Variants in GNG12 observed in about 807,000 individuals in gnomAD.
GNG12 encodes guanine nucleotide-binding protein G(I)/G(S)/G(O) subunit gamma-12.
For synonymous variants in GNG12, 28 were observed against 29.7 expected (o/e 0.94, Z 0.19); for missense variants, 69 against 83.8 (o/e 0.82, Z 0.69).
chr1:67,750,264 G>A (rs181579113), intron 2 of GNG12, among the ~76,000 whole-genome samples: 61 of 152,292 alleles, frequency 4.0e-4, no homozygotes, highest in African/African-American at 1.4e-3. Flanking sequence ...AGTCTTTGGT[G>A]TGCCTCTGGG....
intron 1 of GNG12, among the ~76,000 whole-genome samples, chr1:67,808,212 C>T (rs1054526653): frequency 6.6e-6 from 1 of 152,026 alleles, no homozygotes; most frequent in East Asian, 1.9e-4. Context: ...GTCACATGAT[C>T]GTATCAACAG....
chr1:67,833,005 C>T (rs1056086831), intron 1 of GNG12, among the ~76,000 whole-genome samples: 50 of 152,240 alleles, frequency 3.3e-4, no homozygotes, highest in Non-Finnish European at 2.4e-4. Flanking sequence ...CTTCCACCCC[C>T]AGCCCTAGCC....
intron 2 of GNG12, among the ~76,000 whole-genome samples, chr1:67,775,790 A>G (rs913117257): frequency 6.6e-6 from 1 of 152,226 alleles, no homozygotes; most frequent in Non-Finnish European, 1.5e-5. Context: ...AAGATCACAG[A>G]TGGCAGGAAT....
At chr1:67,814,577 T>C (rs1049831340) in intron 1 of GNG12, among the ~76,000 whole-genome samples, 1 of 152,214 alleles carries the variant, frequency 6.6e-6, no homozygotes, top group African/African-American at 2.4e-5. Flanking sequence ...ATAAACATGG[T>C]ACCTGCCAGG....
intron 2 of GNG12, among the ~76,000 whole-genome samples, chr1:67,752,265 C>T (rs926005408): frequency 3.9e-5 from 6 of 152,140 alleles, no homozygotes; most frequent in Admixed American, 2.6e-4. Flanking sequence ...CTTTCCTTGG[C>T]GTTTCAGGAT....
At chr1:67,746,448 G>A (rs1646507698) in intron 2 of GNG12, among the ~76,000 whole-genome samples, 1 of 152,050 alleles carries the variant, frequency 6.6e-6, no homozygotes, top group Non-Finnish European at 1.5e-5. Context: ...AAGCAAGCCT[G>A]TAACATCCCT....
rs1225489497 is a variant in GNG12, at chr1:67,729,282, G to A, written c.-26-21570C>T. 6.6e-5 allele frequency among the ~76,000 whole-genome samples: 10 copies of A among 152,322 alleles called. No individual in the cohort carries two copies. In the East Asian group the frequency reaches 1.9e-3, roughly 29 times the overall value. ...GATCTATCTATGGTCCTGGGGACCT[G>A]TCTGTGAGACCCCATCCTTTCATCC... On this transcript the variant is annotated intron_variant, in intron 2 of 3. Transcript: ENST00000370982.
chr1:67,821,818 TG>T (rs35281021), intron 1 of GNG12, among the ~76,000 whole-genome samples: 40,922 of 151,548 alleles, frequency 0.27, 5,913 homozygotes, highest in Admixed American at 0.34. Context: ...CATAGAATAA[TG>T]GCACATAGAA....
At chr1:67,797,589 C>T (rs1276040136) in intron 1 of GNG12, among the ~76,000 whole-genome samples, 1 of 152,220 alleles carries the variant, frequency 6.6e-6, no homozygotes, top group East Asian at 1.9e-4. Flanking sequence ...TAGCAGTGTG[C>T]AGCTTAGGGA....
At chr1:67,822,765 T>G (rs1646991482) in intron 1 of GNG12, among the ~76,000 whole-genome samples, 1 of 152,116 alleles carries the variant, frequency 6.6e-6, no homozygotes, top group African/African-American at 2.4e-5. Flanking sequence ...AGATATAGGC[T>G]AACTTTATAC....
intron 2 of GNG12, among the ~76,000 whole-genome samples, chr1:67,736,046 C>CG (rs972113474): frequency 1.3e-5 from 2 of 152,054 alleles, no homozygotes; most frequent in African/African-American, 2.4e-5. Flanking sequence ...CACTTTCTTG[C>CG]GGGGGGTAGA....
intron 2 of GNG12, among the ~76,000 whole-genome samples, chr1:67,739,299 T>C (rs988415499): frequency 6.6e-6 from 1 of 152,232 alleles, no homozygotes; most frequent in Non-Finnish European, 1.5e-5. Context: ...ATCTCTAAAA[T>C]GGTAATACCA....
At chr1:67,754,421 C>T (rs1050726838) in intron 2 of GNG12, among the ~76,000 whole-genome samples, 5 of 152,296 alleles carry the variant, frequency 3.3e-5, no homozygotes, top group South Asian at 2.1e-4. Context: ...CACTCCTCCA[C>T]CACACCCCTT....
intron 2 of GNG12, among the ~76,000 whole-genome samples, chr1:67,715,386 T>G (rs1200921446): frequency 6.6e-6 from 1 of 152,216 alleles, no homozygotes; most frequent in East Asian, 1.9e-4. Context: ...ACTATCACAC[T>G]CAGGTTTTCT....
chr1:67,736,176 G>A (rs1646451323), intron 2 of GNG12, among the ~76,000 whole-genome samples: 1 of 152,094 alleles, frequency 6.6e-6, no homozygotes, highest in Non-Finnish European at 1.5e-5. Context: ...AGAACTAGGA[G>A]TCTGTTCATT....
intron 2 of GNG12, among the ~76,000 whole-genome samples, chr1:67,727,916 C>T (rs1205410883): frequency 6.6e-6 from 1 of 152,140 alleles, no homozygotes; most frequent in African/African-American, 2.4e-5. Flanking sequence ...GAACCTTTTG[C>T]CTCATTAAGA....
intron 2 of GNG12, among the ~76,000 whole-genome samples, chr1:67,753,540 C>T (rs959517965): frequency 7.9e-5 from 12 of 152,130 alleles, no homozygotes; most frequent in Non-Finnish European, 1.2e-4. Context: ...AGAACTGAAG[C>T]GGGGGCCAGG....
intron 1 of GNG12, among the ~76,000 whole-genome samples, chr1:67,788,500 G>C (rs1298104145): frequency 6.6e-6 from 1 of 151,428 alleles, no homozygotes; most frequent in African/African-American, 2.4e-5. Flanking sequence ...CACCCAGCTA[G>C]TTTTTGTATT....
chr1:67,801,086 G>A (rs1379513791), intron 1 of GNG12, among the ~76,000 whole-genome samples: 1 of 152,110 alleles, frequency 6.6e-6, no homozygotes, highest in African/African-American at 2.4e-5. Flanking sequence ...AAATGGGCAG[G>A]AAACTTTCCT....
Sources: allele counts gnomAD v4.1 joint callset (sites outside exome capture counted in the v4.1 genomes callset), GRCh38; gene constraint gnomAD v4.1.1; transcripts MANE v1.5; gene names NCBI Gene and HGNC (gene_info 2026-07-23, HGNC 2026-07-21).